The following ZNF57 variants were observed in gnomAD, a reference collection of about 807,000 sequenced individuals.
ZNF57 encodes zinc finger protein 424.
ZNF57 carries 11 observed loss-of-function variants against 13.4 expected under a neutral mutation model. That is an observed-to-expected ratio of 0.82 (90% CI 0.52 to 1.36). The LOEUF (loss-of-function observed/expected upper bound fraction) is 1.36, where lower values mean the gene tolerates loss of function less well. ZNF57 is among the 40% of genes most tolerant of loss of function. The probability of loss-of-function intolerance (pLI) is 0.00; values close to 1 mark genes in which losing one functional copy is unlikely to be tolerated. For synonymous variants in ZNF57, 224 were observed against 238.5 expected, an observed-to-expected ratio of 0.94 and a Z score of 0.56; for missense variants, 696 against 667.5, an observed-to-expected ratio of 1.04 and a Z score of -0.47.
intron 1 of ZNF57, among the ~76,000 whole-genome samples, chr19:2,903,745 T>TA (rs2088049004): frequency 6.6e-6 from 1 of 150,760 alleles, no homozygotes; most frequent in Non-Finnish European, 1.5e-5. Context: ...GGCAGGGTCT[T>TA]ACTCTGTCGC....
intron 1 of ZNF57, among the ~76,000 whole-genome samples, chr19:2,913,415 G>A (rs542374333): frequency 2.6e-5 from 4 of 152,188 alleles, no homozygotes; most frequent in Admixed American, 1.3e-4. Flanking sequence ...GGTGGACCAC[G>A]TTAGGTTGTT....
intron 1 of ZNF57, chr19:2,912,185 C>G (rs2088143766): frequency 7.4e-6 from 1 of 134,948 alleles, no homozygotes; most frequent in African/African-American, 2.4e-5. Flanking sequence ...AAGTGCTTCT[C>G]AGTTCTTCCT....
At chr19:2,916,550 A>G (rs2088199269) in intron 3 of ZNF57, 1 of 247,680 alleles carries the variant, frequency 4.0e-6, no homozygotes, top group East Asian at 8.4e-5. Context: ...GCCTCTACTA[A>G]AAATACCAAA....
chr19:2,908,982 T>G (rs889769733), intron 1 of ZNF57, among the ~76,000 whole-genome samples: 2 of 152,166 alleles, frequency 1.3e-5, no homozygotes, highest in Non-Finnish European at 2.9e-5. Flanking sequence ...TTCTGACGGC[T>G]TCTCTCACTG....
rs565470600 is a variant in ZNF57 at position 2,903,457 on chromosome 19, C to G, written c.3+2409C>G. On this transcript the variant is annotated intron_variant, in intron 1 of 3. Coordinates refer to ENST00000306908, the MANE Select transcript of ZNF57 (RefSeq NM_173480.3). ...AAACTCCTGACCTTAAGTGATCCAC[C>G]CTCCTCCGCCTCCCAAAGTGCTGGG... 3.9e-5 allele frequency among the ~76,000 whole-genome samples: 6 copies of G among 152,206 alleles called. No homozygotes were observed. The East Asian group carries it at 1.2e-3, about 30-fold the overall frequency.
chr19:2,904,346 CTTAT>C (rs2088055503), intron 1 of ZNF57, among the ~76,000 whole-genome samples: 1 of 151,892 alleles, frequency 6.6e-6, no homozygotes. Context: ...ATTTTGTGTA[CTTAT>C]TTATTTTTAG....
At chr19:2,915,407 C>T in intron 1 of ZNF57, 115 bp from the exon 2 acceptor site, 1 of 1,373,098 alleles carries the variant, frequency 7.3e-7, no homozygotes, top group South Asian at 1.4e-5. Flanking sequence ...ACATTCGCGT[C>T]ATAGAGGAGG....
chr19:2,915,060 A>C lies in ZNF57; in HGVS notation c.4-462A>C, dbSNP rs553696315. 315 of 155,756 alleles carry C rather than the reference A, an allele frequency of 2.0e-3. 2 individuals carry two copies. The highest frequency in any genetic ancestry group is 3.7e-3 in the Non-Finnish European group (256 of 70,018). 9.6% of individuals were successfully genotyped at this position (155,756 alleles called of 1,614,324 possible). A position where few individuals can be genotyped will look rare whatever the true frequency, so the allele number is the denominator to read the frequency against. The stretch of plus-strand genomic sequence containing the variant: ...CAGGCAGACAAAGACAGGAATTCTT[A>C]AGTCACATTGTTAGAAACTCCCTGG... On this transcript the variant is annotated intron_variant, in intron 1 of 3. Coordinates refer to ENST00000306908, the MANE Select transcript of ZNF57 (RefSeq NM_173480.3).
At chr19:2,911,068 T>C (rs2088130012) in intron 1 of ZNF57, among the ~76,000 whole-genome samples, 1 of 151,356 alleles carries the variant, frequency 6.6e-6, no homozygotes, top group South Asian at 2.1e-4. Flanking sequence ...CCTAGAGATA[T>C]TTATTTATTT....
In ZNF57 at chr19:2,917,316, C is replaced by G. The variant is rs368583453; in HGVS notation, c.695C>G (p.Ala232Gly). The G allele has an allele frequency of 1.2e-6, 2 of 1,613,916 alleles. No homozygotes were observed. The highest frequency in any genetic ancestry group is 1.7e-6 in the Non-Finnish European group (2 of 1,179,954). The change falls in exon 4 of 4, where the codon GCG becomes GGG. Residue 232 changes from alanine to glycine, a missense_variant. Transcript: ENST00000306908. ...TACAAATGCGAGCAGTGTCGGATGGCGTTTAATGGGTTCGCAAGCTTCACT... is the reference window on the plus strand; with the variant it reads ...TACAAATGCGAGCAGTGTCGGATGGGGTTTAATGGGTTCGCAAGCTTCACT... The part of the protein sequence containing the change: ...KTYKCEQCRM[A>G]FNGFASFTRH...
At chr19:2,911,467 AG>A (rs2088135023) in intron 1 of ZNF57, among the ~76,000 whole-genome samples, 1 of 151,110 alleles carries the variant, frequency 6.6e-6, no homozygotes, top group Non-Finnish European at 1.5e-5. Context: ...CGAGAGGCAG[AG>A]GTTGCAGTGA....
chr19:2,909,558 C>CGCCGCGCCCGGCCTGGTTACTGTTT lies in ZNF57; in HGVS notation c.4-5964_4-5963insGCCGCGCCCGGCCTGGTTACTGTTT, dbSNP rs2088116472. ...AAGTGCTAGGATTACAGGCATGAGC[C>CGCCGCGCCCGGCCTGGTTACTGTTT]TCTGTGCCTGGCCGGTATCTTGTTT... is the stretch of plus-strand genomic sequence containing the variant. On this transcript the variant is annotated intron_variant, in intron 1 of 3. Coordinates refer to ENST00000306908, the MANE Select transcript of ZNF57 (RefSeq NM_173480.3). Among the ~76,000 whole-genome samples the CGCCGCGCCCGGCCTGGTTACTGTTT allele has an allele frequency of 1.6e-3, 75 of 47,420 alleles. 5 individuals are homozygous for CGCCGCGCCCGGCCTGGTTACTGTTT. The highest frequency in any genetic ancestry group is 4.7e-3 in the East Asian group (11 of 2,364). The allele number at this position is 47,420 out of a possible 152,430, so 31.1% of individuals were successfully genotyped here. A position where few individuals can be genotyped will look rare whatever the true frequency, so the allele number is the denominator to read the frequency against.
chr19:2,901,371 G>C (rs1020070425), intron 1 of ZNF57, among the ~76,000 whole-genome samples: 1 of 151,842 alleles, frequency 6.6e-6, no homozygotes, highest in Non-Finnish European at 1.5e-5. Flanking sequence ...GGGACGGTCA[G>C]CAGGTTGGGG....
chr19:2,907,789 C>T (rs1417841863), intron 1 of ZNF57, among the ~76,000 whole-genome samples: 2 of 152,230 alleles, frequency 1.3e-5, no homozygotes, highest in Admixed American at 1.3e-4. Context: ...TCACAGCTCA[C>T]TGAAACCTCC....
At position 2,918,314 on chromosome 19, in the gene ZNF57, G is replaced by A. The variant is rs1248310589; in HGVS notation, c.*25G>A. On this transcript the variant is annotated 3_prime_UTR_variant, in exon 4 of 4. Coordinates refer to ENST00000306908, the MANE Select transcript of ZNF57 (RefSeq NM_173480.3). ...AAGAGAAATTCTATAACTTTAATGG[G>A]GTAACCTCACATTAATTCATGTATA... 3.9e-6 allele frequency: 6 copies of A among 1,550,844 alleles called. No individual in the cohort carries two copies. In the Admixed American group the frequency reaches 1.2e-4, roughly 31 times the overall value.
At chr19:2,911,898 ATCATACT>A (rs1568181819) in intron 1 of ZNF57, among the ~76,000 whole-genome samples, 4 of 151,936 alleles carry the variant, frequency 2.6e-5, no homozygotes, top group African/African-American at 9.7e-5. Context: ...TCACCTGTTA[ATCATACT>A]TGTTTTAAAT....
rs1025950409 is a variant in ZNF57 at position 2,915,597 on chromosome 19, G to A, written c.79G>A (p.Asp27Asn). 24 of 1,613,944 alleles carry A rather than the reference G, an allele frequency of 1.5e-5. No individual in the cohort carries two copies. The highest frequency in any genetic ancestry group is 1.9e-5 in the Non-Finnish European group (22 of 1,179,950). The stretch of plus-strand genomic sequence containing the variant: ...GGCTTTGCTGGATTCTGCTCAGAGG[G>A]ACCTCTACAGAGATGTGATGCTGGA... ...EWALLDSAQR[D>N]LYRDVMLETF... The change falls in exon 2 of 4, where the codon GAC (aspartate) becomes AAC (asparagine). Residue 27 changes from aspartate to asparagine, a missense_variant. Asp to Asn is a conservative substitution (Grantham distance 23). This residue lies in a region of ZNF57 where 43 missense variants were observed against 53.5 expected (regional missense o/e 0.80). Coordinates refer to ENST00000306908, the MANE Select transcript of ZNF57 (RefSeq NM_173480.3).
chr19:2,904,738 CATA>C lies in ZNF57; in HGVS notation c.3+3693_3+3695del, dbSNP rs1238464152. 5.9e-5 allele frequency among the ~76,000 whole-genome samples: 9 copies of C among 152,176 alleles called. No individual in the cohort carries two copies. The East Asian group carries it at 1.7e-3, about 29-fold the overall frequency. The stretch of plus-strand genomic sequence containing the variant: ...TACACTTTTAGTAGACACAGAGTTT[CATA>C]ATGTTGGCCAGGTTGGTCTCAAACT... On this transcript the variant is annotated intron_variant, in intron 1 of 3. Coordinates refer to ENST00000306908, the MANE Select transcript of ZNF57 (RefSeq NM_173480.3).
Position 2,905,661 on chromosome 19 carries a change from A to C in ZNF57, c.3+4613A>C, listed in dbSNP as rs528046991. On this transcript the variant is annotated intron_variant, in intron 1 of 3. Coordinates refer to ENST00000306908, the MANE Select transcript of ZNF57 (RefSeq NM_173480.3). ...GCGCCTGTAGTCCCAGCTACTCGGG[A>C]GGCTGAGGCTGGAGAATGGCGTGAA... 6.0e-5 allele frequency among the ~76,000 whole-genome samples: 9 copies of C among 150,140 alleles called. 1 individual carries two copies. The South Asian group carries it at 1.9e-3, about 32-fold the overall frequency.
Sources: allele counts gnomAD v4.1 joint callset (sites outside exome capture counted in the v4.1 genomes callset), GRCh38; gene constraint gnomAD v4.1.1; regional missense constraint gnomAD v4.1.1; transcripts MANE v1.5; gene names NCBI Gene and HGNC (gene_info 2026-07-23, HGNC 2026-07-21).